Variants in NKAIN2 observed in about 807,000 individuals in gnomAD.
The protein encoded by NKAIN2 is sodium/potassium-transporting ATPase subunit beta-1-interacting protein 2.
NKAIN2 carries 14 observed loss-of-function variants against 32.6 expected under a neutral mutation model. The observed-to-expected ratio is 0.43, with a 90% CI of 0.28 to 0.67. The LOEUF is 0.67. Among genes scored for constraint, NKAIN2 ranks in the 30% least tolerant of loss-of-function variants. The pLI is 0.17. For missense variants in NKAIN2, 198 were observed against 258.3 expected (o/e 0.77, Z 1.60); for synonymous variants, 80 against 87.2 (o/e 0.92, Z 0.46).
At chr6:124,040,441 T>A (rs1781818267) in intron 1 of NKAIN2, among the ~76,000 whole-genome samples, 1 of 152,020 alleles carries the variant, frequency 6.6e-6, no homozygotes, top group Admixed American at 6.6e-5. Flanking sequence ...TGAATACTGC[T>A]TTAGTCATAG....
intron 4 of NKAIN2, among the ~76,000 whole-genome samples, chr6:124,750,777 A>C (rs1777677085): frequency 6.6e-6 from 1 of 152,030 alleles, no homozygotes; most frequent in South Asian, 2.1e-4. Flanking sequence ...TCACTCAAGC[A>C]AAACATTTGC....
At chr6:124,210,399 C>T (rs1425892956) in intron 1 of NKAIN2, among the ~76,000 whole-genome samples, 1 of 151,712 alleles carries the variant, frequency 6.6e-6, no homozygotes, top group African/African-American at 2.4e-5. Flanking sequence ...TCTTTTTGCT[C>T]AGGATGGCTT....
chr6:124,610,909 A>G (rs1782664741), intron 3 of NKAIN2, among the ~76,000 whole-genome samples: 2 of 152,164 alleles, frequency 1.3e-5, no homozygotes, highest in African/African-American at 2.4e-5. Flanking sequence ...AACAAGTTCT[A>G]TTGTAACCTT....
intron 1 of NKAIN2, among the ~76,000 whole-genome samples, chr6:124,115,222 A>G (rs565554322): frequency 1.1e-4 from 17 of 152,276 alleles, no homozygotes; most frequent in South Asian, 1.0e-3. Context: ...AAGCTTTGCC[A>G]TTAGATTCTT....
At chr6:123,959,691 C>T (rs938470736) in intron 1 of NKAIN2, among the ~76,000 whole-genome samples, 4 of 151,964 alleles carry the variant, frequency 2.6e-5, no homozygotes, top group Non-Finnish European at 5.9e-5. Flanking sequence ...CTTCCTAACT[C>T]ATAGTCTAAC....
At chr6:124,535,046 T>C (rs573942254) in intron 3 of NKAIN2, among the ~76,000 whole-genome samples, 1 of 152,356 alleles carries the variant, frequency 6.6e-6, no homozygotes, top group East Asian at 1.9e-4. Flanking sequence ...TAAAAATAAT[T>C]GTCATACTAT....
intron 1 of NKAIN2, among the ~76,000 whole-genome samples, chr6:124,039,586 T>C (rs1781772176): frequency 6.6e-6 from 1 of 151,958 alleles, no homozygotes; most frequent in Admixed American, 6.6e-5. Flanking sequence ...ATTTATTCAG[T>C]GAATATCTAT....
At chr6:124,502,611 A>C (rs1778336131) in intron 3 of NKAIN2, among the ~76,000 whole-genome samples, 1 of 152,174 alleles carries the variant, frequency 6.6e-6, no homozygotes, top group Non-Finnish European at 1.5e-5. Context: ...AATTCATGAT[A>C]TCAGCTGGTA....
At chr6:124,710,187 T>A (rs1451537471) in intron 4 of NKAIN2, among the ~76,000 whole-genome samples, 1 of 152,062 alleles carries the variant, frequency 6.6e-6, no homozygotes, top group Non-Finnish European at 1.5e-5. Flanking sequence ...TGCACTGTGG[T>A]CTGAGAGATA....
intron 2 of NKAIN2, among the ~76,000 whole-genome samples, chr6:124,309,882 C>T (rs1796647242): frequency 6.6e-6 from 1 of 151,888 alleles, no homozygotes; most frequent in Admixed American, 6.6e-5. Context: ...TTTCTTCTTT[C>T]CCTTCTCTCT....
intron 1 of NKAIN2, among the ~76,000 whole-genome samples, chr6:123,849,964 T>TTTTTTTTTTTTTTTTTTTTTTTTTTTTC (rs1775256078): frequency 5.3e-5 from 1 of 18,722 alleles, no homozygotes; most frequent in African/African-American, 6.5e-5. Flanking sequence ...TTTTTTTTGT[T>TTTTTTTTTTTTTTTTTTTTTTTTTTTTC]TGTTTGTTTT....
intron 1 of NKAIN2, among the ~76,000 whole-genome samples, chr6:123,893,229 C>T (rs1450180785): frequency 6.6e-6 from 1 of 152,052 alleles, no homozygotes; most frequent in Non-Finnish European, 1.5e-5. Context: ...AAGACCAGGT[C>T]TCACCCTGTC....
intron 1 of NKAIN2, among the ~76,000 whole-genome samples, chr6:123,984,753 G>T (rs1779056546): frequency 6.6e-6 from 1 of 151,986 alleles, no homozygotes; most frequent in African/African-American, 2.4e-5. Context: ...TTTTGCACTG[G>T]TCAATTCTCA....
At chr6:124,490,409 G>T (rs1283954792) in intron 3 of NKAIN2, 2 of 344,892 alleles carry the variant, frequency 5.8e-6, no homozygotes, top group Admixed American at 4.1e-5. Flanking sequence ...TAGAATCATA[G>T]AGGTTTTTTT....
chr6:124,131,029 A>G (rs552748990), intron 1 of NKAIN2, among the ~76,000 whole-genome samples: 29 of 152,326 alleles, frequency 1.9e-4, no homozygotes, highest in Non-Finnish European at 4.4e-5. Context: ...ATACTAACAA[A>G]GACACACAAA....
At chr6:124,183,165 T>A (rs1213894182) in intron 1 of NKAIN2, among the ~76,000 whole-genome samples, 2 of 152,072 alleles carry the variant, frequency 1.3e-5, no homozygotes, top group Admixed American at 6.5e-5. Flanking sequence ...AGAGACCCCA[T>A]TTTTGCAGGT....
At chr6:124,305,617 A>G (rs962701134) in intron 2 of NKAIN2, among the ~76,000 whole-genome samples, 2 of 152,162 alleles carry the variant, frequency 1.3e-5, no homozygotes, top group Non-Finnish European at 2.9e-5. Context: ...AGGATTAAAA[A>G]TAAAATCTGA....
At chr6:124,776,095 T>G (rs1431805016) in intron 4 of NKAIN2, among the ~76,000 whole-genome samples, 2 of 152,252 alleles carry the variant, frequency 1.3e-5, no homozygotes, top group Non-Finnish European at 1.5e-5. Flanking sequence ...CCAATTGCAG[T>G]TTGGATTGGA....
At chr6:123,829,064 C>G (rs1400210009) in intron 1 of NKAIN2, 1 of 152,140 alleles carries the variant, frequency 6.6e-6, no homozygotes, top group Non-Finnish European at 1.5e-5. Flanking sequence ...GATAATGATT[C>G]CAATAGAGAC....
Sources: allele counts gnomAD v4.1 joint callset (sites outside exome capture counted in the v4.1 genomes callset), GRCh38; gene constraint gnomAD v4.1.1; transcripts MANE v1.5; gene names NCBI Gene and HGNC (gene_info 2026-07-23, HGNC 2026-07-21).